The following SMARCA2 variants were observed in gnomAD, a reference collection of about 807,000 sequenced individuals.
The protein encoded by SMARCA2 is SWI/SNF-related matrix-associated actin-dependent regulator of chromatin subfamily A member 2.
Under a neutral mutation model 199.8 loss-of-function variants are expected in SMARCA2, and 61 were observed. The ratio of observed to expected loss-of-function variants is 0.31; its 90% confidence interval spans 0.25 to 0.38. The LOEUF is 0.38. Among genes scored for constraint, SMARCA2 ranks in the 10% least tolerant of loss-of-function variants. The pLI, the probability that SMARCA2 is intolerant of heterozygous loss-of-function variation, is 1.00. For missense variants in SMARCA2, 1,344 were observed against 2,012.2 expected, an observed-to-expected ratio of 0.67 and a Z score of 6.35; for synonymous variants, 935 against 732.0, an observed-to-expected ratio of 1.28 and a Z score of -4.48.
intron 27 of SMARCA2, among the ~76,000 whole-genome samples, chr9:2,137,641 C>T (rs1278600614): frequency 6.6e-6 from 1 of 152,192 alleles, no homozygotes; most frequent in African/African-American, 2.4e-5. Flanking sequence ...GCATTTGCCA[C>T]TATCTAAAAG....
At chr9:2,114,318 C>T (rs1823128527) in intron 24 of SMARCA2, among the ~76,000 whole-genome samples, 1 of 152,168 alleles carries the variant, frequency 6.6e-6, no homozygotes, top group Non-Finnish European at 1.5e-5. Flanking sequence ...CAAATATCTG[C>T]TGAGGAAGAA....
chr9:2,174,837 T>C (rs1826450429), intron 29 of SMARCA2, among the ~76,000 whole-genome samples: 1 of 147,876 alleles, frequency 6.8e-6, no homozygotes, highest in East Asian at 2.0e-4. Flanking sequence ...GGAGGATTGC[T>C]TGAGCCTGGG....
chr9:2,192,543 G>A (rs534918865), intron 33 of SMARCA2, 161 bp from the exon 34 acceptor site: 16 of 680,942 alleles, frequency 2.3e-5, no homozygotes, highest in African/African-American at 1.1e-4. Flanking sequence ...AGAGACTGTC[G>A]ATGCCTCTTT....
At chr9:2,077,831 G>A in intron 14 of SMARCA2, 55 bp downstream of exon 14, 2 of 1,514,272 alleles carry the variant, frequency 1.3e-6, no homozygotes, top group Non-Finnish European at 1.8e-6. Context: ...ACCTAATTTT[G>A]ATTGAAGTAT....
At chr9:2,033,432 G>A (rs1047411315) in intron 3 of SMARCA2, among the ~76,000 whole-genome samples, 15 of 152,144 alleles carry the variant, frequency 9.9e-5, no homozygotes, top group African/African-American at 3.6e-4. Context: ...ACTTTGTTTT[G>A]CTAAGTTTAC....
intron 32 of SMARCA2, among the ~76,000 whole-genome samples, chr9:2,187,589 G>C (rs1827559156): frequency 6.6e-6 from 1 of 151,980 alleles, no homozygotes; most frequent in Admixed American, 6.6e-5. Context: ...GAGGCAGGAG[G>C]ATTGCTTAGT....
intron 31 of SMARCA2, among the ~76,000 whole-genome samples, chr9:2,183,836 C>G (rs1827231457): frequency 6.6e-6 from 1 of 152,174 alleles, no homozygotes; most frequent in South Asian, 2.1e-4. Context: ...GAATGACAGA[C>G]AGTTTGTTTT....
intron 29 of SMARCA2, among the ~76,000 whole-genome samples, chr9:2,174,051 T>A (rs1252724191): frequency 6.6e-6 from 1 of 152,202 alleles, no homozygotes; most frequent in Admixed American, 6.5e-5. Flanking sequence ...CAGCCAGTTA[T>A]GCCCACGTAC....
rs2130179011 is a variant in SMARCA2 at position 2,029,121 on chromosome 9, A to G, written c.99A>G (p.Pro33=). ...PGPILGPSPG[P]GPSPGSVHSM... is the part of the protein sequence containing the mutation. ...CAATTCTTGGGCCTAGTCCAGGACC[A>G]GGACCATCCCCAGGTTCCGTCCACA... Residue 33 remains proline, a synonymous_variant, in exon 2 of 34, where the codon CCA becomes CCG. Coordinates refer to ENST00000349721, the MANE Select transcript of SMARCA2 (RefSeq NM_003070.5). 2 of 1,607,226 alleles carry G rather than the reference A, an allele frequency of 1.2e-6. No individual in the cohort carries two copies. The highest frequency in any genetic ancestry group is 2.2e-5 in the South Asian group (2 of 89,704).
rs772668097 is a variant in SMARCA2 at position 2,017,972 on chromosome 9, A to G, written c.-37+2568A>G. On this transcript the variant is annotated intron_variant, in intron 1 of 33. Coordinates refer to ENST00000349721, the MANE Select transcript of SMARCA2 (RefSeq NM_003070.5). This position sits in a 1 kb window ranked among gnomAD's most constrained non-coding sequence, Gnocchi z 8.8. ...GGAAAACTTTCCAGCGGGAGGCACC[A>G]TGAGGGGGAAGAAGGCCTTGCTGGC... The G allele has an allele frequency of 5.3e-5, 8 of 152,244 alleles. No individual in the cohort carries two copies. Among genetic ancestry groups the G allele is most frequent in the Non-Finnish European group, 1.0e-4 (7 of 68,062 alleles). 9.4% of individuals were successfully genotyped at this position (152,244 alleles called of 1,614,324 possible).
At chr9:2,079,020 A>C (rs189274580) in intron 14 of SMARCA2, among the ~76,000 whole-genome samples, 3 of 152,262 alleles carry the variant, frequency 2.0e-5, no homozygotes, top group Admixed American at 2.0e-4. Context: ...TGTAACTAAG[A>C]TTACCATATA....
rs1823185849 is a variant in SMARCA2 at position 2,115,695 on chromosome 9, A to C, written c.3457-127A>C. 1 of 708,574 alleles carries C rather than the reference A, an allele frequency of 1.4e-6. No homozygotes were observed. The highest frequency in any genetic ancestry group is 1.8e-5 in the African/African-American group (1 of 55,604). 43.9% of individuals were successfully genotyped at this position (708,574 alleles called of 1,614,324 possible). ...CGTAGCTTGTGTGTTTTTAAAATGT[A>C]GGCAAAATCTTACCTTAGTGAAGGT... On this transcript the variant is annotated intron_variant, in intron 24 of 33. Transcript: ENST00000349721. This position sits in a 1 kb window ranked among gnomAD's most constrained non-coding sequence, Gnocchi z 6.0.
intron 12 of SMARCA2, among the ~76,000 whole-genome samples, chr9:2,074,166 G>A (rs946074248): frequency 6.6e-6 from 1 of 152,082 alleles, no homozygotes; most frequent in Non-Finnish European, 1.5e-5. Context: ...CCAAAGAGAA[G>A]CGCTCAGTCT....
In SMARCA2 at chr9:2,039,278, A is replaced by T. The variant is rs1819471913; in HGVS notation, c.356-188A>T. On this transcript the variant is annotated intron_variant, in intron 3 of 33. Transcript: ENST00000349721. The surrounding 1 kb of genome is among the most constrained non-coding windows in gnomAD (Gnocchi z 4.8). ...TTAAAGTGGCTACCAGAAAATTTTA[A>T]ATTTTACATATATATAAAGCACATA... is the stretch of plus-strand genomic sequence containing the variant. 6.6e-6 allele frequency among the ~76,000 whole-genome samples: 1 copy of T among 152,044 alleles called. No individual in the cohort carries two copies. Among genetic ancestry groups the T allele is most frequent in the Non-Finnish European group, 1.5e-5 (1 of 68,002 alleles).
chr9:2,180,874 A>G (rs1182597304), intron 29 of SMARCA2, among the ~76,000 whole-genome samples: 2 of 152,210 alleles, frequency 1.3e-5, no homozygotes, highest in African/African-American at 2.4e-5. Flanking sequence ...AATCCCAGAA[A>G]TGTGAAGCAT....
chr9:2,162,542 C>G (rs1235624751), intron 28 of SMARCA2, among the ~76,000 whole-genome samples: 1 of 152,166 alleles, frequency 6.6e-6, no homozygotes, highest in East Asian at 1.9e-4. Context: ...ACCAAAGACA[C>G]TGTAGGGTGT....
At chr9:2,160,472 A>G in intron 27 of SMARCA2, 1 of 577,690 alleles carries the variant, frequency 1.7e-6, no homozygotes, top group Non-Finnish European at 3.1e-6. Flanking sequence ...GTTCTGCACC[A>G]GGTTTTCTTC....
chr9:2,079,183 T>TG (rs1289111881), intron 14 of SMARCA2, among the ~76,000 whole-genome samples: 2 of 152,172 alleles, frequency 1.3e-5, no homozygotes, highest in African/African-American at 4.8e-5. Flanking sequence ...TCAGCACACT[T>TG]GGGACTCTGC....
chr9:2,030,593 G>T (rs368648100), intron 2 of SMARCA2, among the ~76,000 whole-genome samples: 1 of 149,628 alleles, frequency 6.7e-6, no homozygotes, highest in African/African-American at 2.5e-5. Context: ...TTTGGGTGAG[G>T]CCCACCGACA....
Sources: gnomAD v4.1 joint callset for allele counts (sites outside exome capture counted in the v4.1 genomes callset) on GRCh38, gnomAD v4.1.1 for gene constraint, Gnocchi (gnomAD v3.1) non-coding constraint, MANE v1.5 for transcripts, NCBI Gene and HGNC (gene_info 2026-07-23, HGNC 2026-07-21) for gene names.